The following MYO16 variants were observed in gnomAD, a reference collection of about 807,000 sequenced individuals.
MYO16 encodes the protein myosin XVI, also known as unconventional myosin-XVI.
In MYO16, 94 loss-of-function variants were observed where a neutral mutation model predicts 205.3. The observed-to-expected ratio is 0.46, with a 90% CI of 0.39 to 0.54. MYO16 has a LOEUF of 0.54. Among genes scored for constraint, MYO16 ranks in the 20% least tolerant of loss-of-function variants. The pLI, the probability that MYO16 is intolerant of heterozygous loss-of-function variation, is 0.00. For missense variants in MYO16, 2,315 were observed against 2,387.5 expected, an observed-to-expected ratio of 0.97 and a Z score of 0.63; for synonymous variants, 988 against 954.0, an observed-to-expected ratio of 1.04 and a Z score of -0.66.
intron 27 of MYO16, among the ~76,000 whole-genome samples, chr13:109,097,694 T>A (rs895055113): frequency 1.3e-5 from 2 of 152,204 alleles, no homozygotes; most frequent in African/African-American, 4.8e-5. Context: ...CTTTTTCATA[T>A]CCTTGCCTCT....
intron 14 of MYO16, among the ~76,000 whole-genome samples, chr13:108,890,259 C>T (rs889934401): frequency 1.3e-5 from 2 of 151,874 alleles, no homozygotes; most frequent in Non-Finnish European, 2.9e-5. Flanking sequence ...TCTCTATTTC[C>T]AACACATTCT....
intron 33 of MYO16, among the ~76,000 whole-genome samples, chr13:109,165,516 G>A (rs543083028): frequency 1.3e-5 from 2 of 152,292 alleles, no homozygotes; most frequent in South Asian, 2.1e-4. Context: ...TGAGGATCAC[G>A]CAAGTATTTT....
intron 21 of MYO16, among the ~76,000 whole-genome samples, chr13:109,003,785 CAG>C (rs1885300986): frequency 6.6e-6 from 1 of 152,152 alleles, no homozygotes; most frequent in Non-Finnish European, 1.5e-5. Context: ...CAAAACAAGA[CAG>C]AGGTTGTGTT....
chr13:108,897,600 GTAT>G (rs1880490962), intron 14 of MYO16, among the ~76,000 whole-genome samples: 1 of 152,208 alleles, frequency 6.6e-6, no homozygotes. Flanking sequence ...TTAAATAAAT[GTAT>G]TATTGTAAAA....
chr13:108,933,165 A>G (rs1371347660), intron 16 of MYO16, among the ~76,000 whole-genome samples: 4 of 152,160 alleles, frequency 2.6e-5, no homozygotes, highest in Non-Finnish European at 5.9e-5. Flanking sequence ...TTCATTCACT[A>G]ACTGTGTGTG....
intron 16 of MYO16, among the ~76,000 whole-genome samples, chr13:108,911,802 G>A (rs936737606): frequency 6.6e-6 from 1 of 152,224 alleles, no homozygotes; most frequent in East Asian, 1.9e-4. Flanking sequence ...GGTGGTGCAG[G>A]CGATGAGGAA....
intron 1 of MYO16, among the ~76,000 whole-genome samples, chr13:108,630,169 T>C (rs578138877): frequency 1.3e-5 from 2 of 150,782 alleles, no homozygotes; most frequent in Non-Finnish European, 3.0e-5. Flanking sequence ...CAGAAACACA[T>C]GGAAAGAAAT....
At chr13:109,090,941 C>G (rs566741045) in intron 27 of MYO16, among the ~76,000 whole-genome samples, 1 of 152,190 alleles carries the variant, frequency 6.6e-6, no homozygotes, top group South Asian at 2.1e-4. Flanking sequence ...GCTCCTTTTT[C>G]TTCATACTTC....
chr13:108,608,242 C>T (rs1879034116), intron 1 of MYO16, among the ~76,000 whole-genome samples: 1 of 152,162 alleles, frequency 6.6e-6, no homozygotes, highest in Non-Finnish European at 1.5e-5. Context: ...GGCCTGTTAT[C>T]CAGCCTTTGT....
At chr13:108,936,169 TTCTC>T (rs1209929723) in intron 16 of MYO16, among the ~76,000 whole-genome samples, 2 of 150,980 alleles carry the variant, frequency 1.3e-5, no homozygotes, top group Non-Finnish European at 3.0e-5. Flanking sequence ...TTCTCTCTCT[TTCTC>T]TTTCTTTCTT....
intron 14 of MYO16, 33 bp from the exon 15 acceptor site, chr13:108,897,983 A>G: frequency 6.8e-7 from 1 of 1,470,332 alleles, no homozygotes; most frequent in Non-Finnish European, 9.5e-7. Flanking sequence ...TTAAAATATG[A>G]GCAGTTCAGT....
chr13:108,755,229 G>T (rs1170068620), intron 4 of MYO16, among the ~76,000 whole-genome samples: 1 of 150,636 alleles, frequency 6.6e-6, no homozygotes, highest in Non-Finnish European at 1.5e-5. Context: ...AACAAGCAGA[G>T]AATATGTGAG....
intron 5 of MYO16, among the ~76,000 whole-genome samples, chr13:108,787,759 C>A (rs2138929088): frequency 6.6e-6 from 1 of 152,324 alleles, no homozygotes; most frequent in Non-Finnish European, 1.5e-5. Context: ...TTTGCTGGAA[C>A]AAACTCAATT....
rs116668679 is a variant in MYO16 at position 108,968,854 on chromosome 13, G to T, written c.2369+3952G>T. Among the ~76,000 whole-genome samples the T allele has an allele frequency of 2.0e-5, 3 of 152,174 alleles. No homozygotes were observed. The South Asian group carries it at 6.2e-4, about 31-fold the overall frequency. ...AGGCCATGACGTGCTCCCCACGAAC[G>T]CAGGAAGACTGCCCTGAGCCCTCCT... On this transcript the variant is annotated intron_variant, in intron 20 of 34. Coordinates refer to ENST00000457511, the MANE Select transcript of MYO16 (RefSeq NM_001198950.3).
chr13:108,634,257 C>A (rs969303147), intron 1 of MYO16, among the ~76,000 whole-genome samples: 5 of 152,190 alleles, frequency 3.3e-5, no homozygotes, highest in Non-Finnish European at 7.3e-5. Context: ...TACCCTCCCA[C>A]CATTAAATCT....
At chr13:108,816,672 T>C (rs899080408) in intron 7 of MYO16, among the ~76,000 whole-genome samples, 1 of 152,188 alleles carries the variant, frequency 6.6e-6, no homozygotes, top group African/African-American at 2.4e-5. Flanking sequence ...TCCTGCATCA[T>C]GTAATTCCCG....
intron 1 of MYO16, among the ~76,000 whole-genome samples, chr13:108,665,405 CTTGGCA>C (rs1881680168): frequency 6.6e-6 from 1 of 152,160 alleles, no homozygotes; most frequent in South Asian, 2.1e-4. Flanking sequence ...AGCCATTATA[CTTGGCA>C]GCATATATAT....
intron 20 of MYO16, among the ~76,000 whole-genome samples, chr13:108,985,364 T>G (rs1884591276): frequency 6.6e-6 from 1 of 152,246 alleles, no homozygotes; most frequent in African/African-American, 2.4e-5. Context: ...TTTGTCTCGC[T>G]GACTCACATC....
intron 16 of MYO16, among the ~76,000 whole-genome samples, chr13:108,945,907 A>G (rs1011604969): frequency 1.3e-4 from 20 of 152,280 alleles, no homozygotes; most frequent in Non-Finnish European, 2.9e-4. Context: ...GGAGGTGCTG[A>G]TGTTTCTAAT....
Sources: gnomAD v4.1 joint callset for allele counts (sites outside exome capture counted in the v4.1 genomes callset) on GRCh38, gnomAD v4.1.1 for gene constraint, MANE v1.5 for transcripts, NCBI Gene and HGNC (gene_info 2026-07-23, HGNC 2026-07-21) for gene names.